ASMT: variants seen among roughly 807,000 people sequenced by gnomAD.
ASMT encodes the protein acetylserotonin O-methyltransferase.
Under a neutral mutation model 41.3 loss-of-function variants are expected in ASMT, and 53 were observed. The ratio of observed to expected loss-of-function variants is 1.28; its 90% CI spans 1.03 to 1.61. The LOEUF (loss-of-function observed/expected upper bound fraction) is 1.61. ASMT is among the 40% of genes most tolerant of loss of function. The probability of loss-of-function intolerance (pLI) is 0.00; values close to 1 mark genes in which losing one functional copy is unlikely to be tolerated. For synonymous variants in ASMT, 231 were observed against 184.8 expected, an observed-to-expected ratio of 1.25 and a Z score of -2.03; for missense variants, 531 against 441.3, an observed-to-expected ratio of 1.20 and a Z score of -1.82.
At chrX:1,634,139 T>G (rs1190096002) in intron 7 of ASMT, among the ~76,000 whole-genome samples, 1 of 152,096 alleles carries the variant, frequency 6.6e-6, no homozygotes, top group Admixed American at 6.6e-5. Flanking sequence ...GTTCAATAAT[T>G]CACTAGAAGG....
chrX:1,636,306 G>T lies in ASMT; in HGVS notation c.788-132G>T, dbSNP rs766282716. ...AAGCCTTTTTGTTTTCTGAGGCTAG[G>T]TCTGCAGGTGACTAGCCTGGAAGAC... is the stretch of plus-strand genomic sequence containing the variant. On this transcript the variant is annotated intron_variant, in intron 7 of 8. Transcript: ENST00000381241. 49 of 1,323,416 alleles carry T rather than the reference G, an allele frequency of 3.7e-5. 1 individual carries two copies. In the East Asian group the frequency reaches 1.1e-3, roughly 30 times the overall value. 82.0% of individuals were successfully genotyped at this position (1,323,416 alleles called of 1,614,324 possible).
intron 8 of ASMT, among the ~76,000 whole-genome samples, chrX:1,636,971 A>C (rs761847645): frequency 8.3e-4 from 32 of 38,354 alleles, no homozygotes; most frequent in South Asian, 2.3e-3. Flanking sequence ...TCCTGATGGC[A>C]CATGAGGATG....
At position 1,642,891 on chromosome X, in the gene ASMT, G is replaced by A; in HGVS notation, c.999G>A (p.Val333=). 2 of 1,613,980 alleles carry A rather than the reference G, an allele frequency of 1.2e-6. No individual in the cohort carries two copies. The highest frequency in any genetic ancestry group is 2.2e-5 in the South Asian group (2 of 91,068). ...AGCTCTACTCTCTGAACATGCTTGTGCAGACGGAAGGGCAGGAGAGGACCC... is the reference window on the plus strand; with the variant it reads ...AGCTCTACTCTCTGAACATGCTTGTACAGACGGAAGGGCAGGAGAGGACCC... ...LTQLYSLNML[V]QTEGQERTPT... The change falls in exon 9 of 9, where the codon GTG becomes GTA. Residue 333 remains valine (V), a synonymous_variant. Coordinates refer to ENST00000381241, the MANE Select transcript of ASMT (RefSeq NM_001171038.2).
intron 1 of ASMT, among the ~76,000 whole-genome samples, chrX:1,616,108 A>C (rs1316656012): frequency 2.6e-5 from 4 of 151,144 alleles, no homozygotes; most frequent in Non-Finnish European, 4.4e-5. Context: ...GGCTCACTGC[A>C]ACCTCCGCCT....
At chrX:1,626,066 CT>C in intron 3 of ASMT, among the ~76,000 whole-genome samples, 1 of 151,532 alleles carries the variant, frequency 6.6e-6, no homozygotes, top group African/African-American at 2.4e-5. Context: ...AAAGAATAGA[CT>C]GTTACTGTTT....
chrX:1,633,786 C>A (rs1206813672), intron 7 of ASMT, among the ~76,000 whole-genome samples: 2 of 151,930 alleles, frequency 1.3e-5, no homozygotes, highest in Non-Finnish European at 2.9e-5. Context: ...CTACAGGCAC[C>A]CACCACCACA....
rs1343188402 is a variant in ASMT at position 1,633,154 on chromosome X, G to C, written c.651G>C (p.Gly217=). 2.5e-6 allele frequency: 4 copies of C among 1,613,770 alleles called. No homozygotes were observed. The highest frequency in any genetic ancestry group is 1.3e-5 in the African/African-American group (1 of 74,878). The change falls in exon 7 of 9, where the codon GGG becomes GGC. Residue 217 remains glycine, a synonymous_variant. Transcript: ENST00000381241. ...TKHRVFSLIG[G]AGALAKECMS... ...ACGGGCTGTGTCCCCTTCCAGGTGG[G>C]GCTGGAGCTCTGGCTAAGGAATGCA...
Position 1,617,599 on chromosome X carries a change from G to GT in ASMT, c.69+2339dup, listed in dbSNP as rs756367852. 3.0e-3 allele frequency among the ~76,000 whole-genome samples: 460 copies of GT among 151,164 alleles called. 1 individual carries two copies. Among genetic ancestry groups the GT allele is most frequent in the African/African-American group, 9.2e-3 (380 of 41,176 alleles). On this transcript the variant is annotated intron_variant, in intron 1 of 8. Transcript: ENST00000381241. Reference sequence around the variant, plus strand: ...GTTTCTCTCCGTCAGCAAGCCACCGGTTTTTTTTGTTTGTTTTTTTCCTTT... The same window carrying GT: ...GTTTCTCTCCGTCAGCAAGCCACCGGTTTTTTTTTGTTTGTTTTTTTCCTTT...
chrX:1,615,886 G>T (rs1422087725), intron 1 of ASMT, among the ~76,000 whole-genome samples: 1 of 152,108 alleles, frequency 6.6e-6, no homozygotes, highest in Non-Finnish European at 1.5e-5. Flanking sequence ...AATGTTTATT[G>T]AACTGCAAGT....
chrX:1,626,403 T>C (rs1449020264), intron 3 of ASMT, among the ~76,000 whole-genome samples: 1 of 151,914 alleles, frequency 6.6e-6, no homozygotes, highest in African/African-American at 2.4e-5. Flanking sequence ...GGCTGATTGT[T>C]TGTGTTTTAG....
intron 5 of ASMT, among the ~76,000 whole-genome samples, chrX:1,630,398 T>G (rs1156626997): frequency 1.4e-5 from 2 of 146,458 alleles, no homozygotes; most frequent in African/African-American, 5.1e-5. Context: ...CTCCGCCTCC[T>G]GGGTTCAAGC....
chrX:1,631,876 G>A (rs1179384587), intron 5 of ASMT, among the ~76,000 whole-genome samples: 35 of 151,910 alleles, frequency 2.3e-4, no homozygotes, highest in African/African-American at 7.3e-4. Flanking sequence ...GGTGAAACCC[G>A]GTCTCTACTA....
intron 1 of ASMT, among the ~76,000 whole-genome samples, chrX:1,622,873 C>T (rs1374951443): frequency 1.3e-5 from 2 of 151,858 alleles, no homozygotes; most frequent in African/African-American, 4.8e-5. Flanking sequence ...GACCGCACCA[C>T]TGCCCTCCAG....
rs755876734 is a variant in ASMT at position 1,642,808 on chromosome X, G to C, written c.916G>C (p.Gly306Arg). 6.2e-7 allele frequency: 1 copy of C among 1,613,874 alleles called. No homozygotes were observed. The highest frequency in any genetic ancestry group is 1.7e-5 in the Admixed American group (1 of 59,998). The change falls in exon 9 of 9, where the codon GGC becomes CGC. Residue 306 changes from glycine to arginine, a missense_variant. By Grantham distance (125) the Gly-to-Arg change is moderately radical. Coordinates refer to ENST00000381241, the MANE Select transcript of ASMT (RefSeq NM_001171038.2). The part of the protein sequence containing the change: ...RIYHTCKPGG[G>R]ILVIESLLDE... ...CTGTGCCCCTCCCTTTCTAGGTGGT[G>C]GCATTCTGGTAATTGAAAGCCTCCT... is the stretch of plus-strand genomic sequence containing the variant.
At chrX:1,626,911 C>T (rs761019805) in intron 3 of ASMT, among the ~76,000 whole-genome samples, 3 of 151,822 alleles carry the variant, frequency 2.0e-5, no homozygotes, top group South Asian at 4.2e-4. Context: ...TGCCTGTCAT[C>T]CCAGCTACTC....
chrX:1,625,350 T>C (rs1423227607), intron 3 of ASMT, among the ~76,000 whole-genome samples: 1 of 151,318 alleles, frequency 6.6e-6, no homozygotes, highest in Non-Finnish European at 1.5e-5. Context: ...GTGATCTGCC[T>C]GCCTACATGG....
chrX:1,630,000 G>GT (rs2037763209), intron 5 of ASMT, 61 bp downstream of exon 5: 2 of 1,362,020 alleles, frequency 1.5e-6, no homozygotes, highest in Admixed American at 3.4e-5. Context: ...TGGGGAATGT[G>GT]TTATTCATGT....
intron 3 of ASMT, among the ~76,000 whole-genome samples, chrX:1,626,088 T>C (rs768538829): frequency 1.3e-5 from 2 of 152,182 alleles, no homozygotes; most frequent in South Asian, 2.1e-4. Flanking sequence ...CCTATCTGAC[T>C]TGGTTCTCTC....
At chrX:1,627,629 GA>G in intron 3 of ASMT, 73 bp from the exon 4 acceptor site, 1 of 1,273,916 alleles carries the variant, frequency 7.8e-7, no homozygotes, top group East Asian at 2.4e-5. Flanking sequence ...GAAACGAAAT[GA>G]AACGAAATGA....
Sources: gnomAD v4.1 joint callset for allele counts (sites outside exome capture counted in the v4.1 genomes callset) on GRCh38, gnomAD v4.1.1 for gene constraint, MANE v1.5 for transcripts, NCBI Gene and HGNC (gene_info 2026-07-23, HGNC 2026-07-21) for gene names.